Variants in DCLK1 observed in about 807,000 individuals in gnomAD.
DCLK1 encodes doublecortin like kinase 1.
Under a neutral mutation model 86.2 loss-of-function variants are expected in DCLK1, and 16 were observed. The observed-to-expected ratio is 0.19, with a 90% CI of 0.13 to 0.28. The LOEUF (loss-of-function observed/expected upper bound fraction) is 0.28, where lower values mean the gene tolerates loss of function less well. Among genes scored for constraint, DCLK1 ranks in the 10% least tolerant of loss-of-function variants. DCLK1 has a pLI of 1.00. For synonymous variants in DCLK1, 369 were observed against 370.5 expected (o/e 1.00, Z 0.05); for missense variants, 590 against 940.2 (o/e 0.63, Z 4.87).
At chr13:35,979,244 T>A (rs189823453) in intron 3 of DCLK1, among the ~76,000 whole-genome samples, 1 of 152,202 alleles carries the variant, frequency 6.6e-6, no homozygotes, top group East Asian at 1.9e-4. Context: ...CAAGCGACTT[T>A]CCAATGACTA....
chr13:35,848,369 G>C, intron 6 of DCLK1: 1 of 984,904 alleles, frequency 1.0e-6, no homozygotes, highest in East Asian at 1.1e-4. Context: ...CATAAAAAGA[G>C]ATCTCAAAGA....
rs141246848 is a variant in DCLK1 at position 35,964,704 on chromosome 13, G to A, written c.724-17247C>T. Among the ~76,000 whole-genome samples the A allele has an allele frequency of 1.2e-4, 18 of 151,094 alleles. No individual in the cohort carries two copies. The East Asian group carries it at 2.0e-3, about 16-fold the overall frequency. ...GGAAGCTATGACTTCCACGGGTTCC[G>A]TAAATTGAAATCTATGGGCCAAATC... On this transcript the variant is annotated intron_variant, in intron 3 of 16. Coordinates refer to ENST00000360631, the MANE Select transcript of DCLK1 (RefSeq NM_001330071.2).
chr13:36,056,135 T>G (rs28689514), intron 3 of DCLK1, among the ~76,000 whole-genome samples: 35,855 of 132,886 alleles, frequency 0.27, 5,280 homozygotes, highest in East Asian at 0.51. Context: ...CAAATGACTA[T>G]AAATCATGCT....
At chr13:35,860,623 G>A (rs1485368468) in intron 5 of DCLK1, among the ~76,000 whole-genome samples, 2 of 152,142 alleles carry the variant, frequency 1.3e-5, no homozygotes, top group Admixed American at 6.5e-5. Flanking sequence ...CAAACCTCAG[G>A]AAATTTAGGC....
chr13:36,104,186 C>G (rs2138170552), intron 3 of DCLK1, among the ~76,000 whole-genome samples: 1 of 152,254 alleles, frequency 6.6e-6, no homozygotes, highest in Admixed American at 6.5e-5. Context: ...CCAGGGTGAC[C>G]AAGGCAGCTC....
intron 11 of DCLK1, among the ~76,000 whole-genome samples, chr13:35,817,843 T>G (rs868417414): frequency 3.3e-5 from 5 of 152,220 alleles, no homozygotes; most frequent in Non-Finnish European, 4.4e-5. Context: ...GGTCAACTAA[T>G]AGCCTTTTGA....
chr13:36,112,140 G>A lies in DCLK1; in HGVS notation c.452C>T (p.Ser151Leu), dbSNP rs749232440. ...AGCCGAGGTGGTCTTGACGTTCACC[G>A]ACCAGTTGGGGTTCACATTCTTGGT... ...EYTKNVNPNW[S>L]VNVKTTSASR... The change falls in exon 3 of 17, where the codon TCG becomes TTG. Residue 151 changes from serine (S) to leucine (L), a missense_variant. Transcript: ENST00000360631. The A allele has an allele frequency of 6.2e-7, 1 of 1,613,014 alleles. No homozygotes were observed. Among genetic ancestry groups the A allele is most frequent in the African/African-American group, 1.3e-5 (1 of 75,030 alleles).
chr13:35,951,270 C>CATGG lies in DCLK1; in HGVS notation c.724-3817_724-3814dup, dbSNP rs113236728. Among the ~76,000 whole-genome samples, 951 of 145,392 alleles carry CATGG rather than the reference C, an allele frequency of 6.5e-3. 12 individuals are homozygous for CATGG. The highest frequency in any genetic ancestry group is 0.032 in the South Asian group (141 of 4,346). On this transcript the variant is annotated intron_variant, in intron 3 of 16. Coordinates refer to ENST00000360631, the MANE Select transcript of DCLK1 (RefSeq NM_001330071.2). ...CGATGGATGGATTAATGGATGGATG[C>CATGG]ATGGATGGATGGATGGATGGATGGA...
intron 16 of DCLK1, chr13:35,788,060 C>G (rs2086652218): frequency 2.7e-6 from 2 of 740,478 alleles, no homozygotes; most frequent in Non-Finnish European, 4.8e-6. Flanking sequence ...GGGGGTGTGG[C>G]ATCTCAATCA....
chr13:35,966,851 C>T lies in DCLK1; in HGVS notation c.724-19394G>A, dbSNP rs1335816768. 2.6e-5 allele frequency among the ~76,000 whole-genome samples: 4 copies of T among 151,968 alleles called. No homozygotes were observed. The East Asian group carries it at 7.9e-4, about 30-fold the overall frequency. ...AGTGCAGTGGCGTGATCTCCGCTCG[C>T]TACCACCTCCACCTCCCAGCCGCCT... On this transcript the variant is annotated intron_variant, in intron 3 of 16. Coordinates refer to ENST00000360631, the MANE Select transcript of DCLK1 (RefSeq NM_001330071.2).
chr13:35,936,996 G>A (rs139498846), intron 4 of DCLK1, among the ~76,000 whole-genome samples: 1,969 of 88,222 alleles, frequency 0.022, 57 homozygotes, highest in African/African-American at 0.072. Context: ...TTGAGACGGA[G>A]TCTCTCTCTG....
chr13:35,967,156 A>C (rs562745477), intron 3 of DCLK1, among the ~76,000 whole-genome samples: 1 of 146,638 alleles, frequency 6.8e-6, no homozygotes, highest in Non-Finnish European at 1.5e-5. Context: ...CCCGGCCGCC[A>C]CCCCGACTGG....
intron 11 of DCLK1, among the ~76,000 whole-genome samples, chr13:35,817,298 C>T (rs1359605337): frequency 6.6e-6 from 1 of 152,094 alleles, no homozygotes; most frequent in African/African-American, 2.4e-5. Flanking sequence ...TGGCCAATTA[C>T]GGTACTAAAT....
chr13:36,002,475 A>T (rs922082481), intron 3 of DCLK1, among the ~76,000 whole-genome samples: 1 of 152,236 alleles, frequency 6.6e-6, no homozygotes, highest in Non-Finnish European at 1.5e-5. Flanking sequence ...GAGGAATGGC[A>T]ATCTTTTTTA....
intron 11 of DCLK1, 137 bp downstream of exon 11, chr13:35,822,592 A>G: frequency 8.0e-7 from 1 of 1,257,716 alleles, no homozygotes; most frequent in East Asian, 2.5e-5. Flanking sequence ...CTAGTTTCCA[A>G]CTAGCTCCTG....
intron 6 of DCLK1, among the ~76,000 whole-genome samples, chr13:35,844,315 A>G (rs1445228794): frequency 6.6e-6 from 1 of 152,242 alleles, no homozygotes; most frequent in East Asian, 1.9e-4. Context: ...ACGCGAATGG[A>G]AACAGTGGTG....
intron 4 of DCLK1, among the ~76,000 whole-genome samples, chr13:35,894,791 G>T (rs1366800739): frequency 6.6e-6 from 1 of 152,204 alleles, no homozygotes; most frequent in Non-Finnish European, 1.5e-5. Context: ...AGATGAACAA[G>T]AGCTCAGATT....
At chr13:36,057,781 G>C (rs1883392473) in intron 3 of DCLK1, among the ~76,000 whole-genome samples, 1 of 151,936 alleles carries the variant, frequency 6.6e-6, no homozygotes, top group Non-Finnish European at 1.5e-5. Flanking sequence ...GGATTTCAAA[G>C]CTCTGTATTC....
chr13:35,956,580 C>T (rs377261775), intron 3 of DCLK1, among the ~76,000 whole-genome samples: 2 of 152,200 alleles, frequency 1.3e-5, no homozygotes, highest in African/African-American at 2.4e-5. Flanking sequence ...TTGGACATAA[C>T]GCTATCTTCA....
Sources: gnomAD v4.1 joint callset for allele counts (sites outside exome capture counted in the v4.1 genomes callset) on GRCh38, gnomAD v4.1.1 for gene constraint, MANE v1.5 for transcripts, NCBI Gene and HGNC (gene_info 2026-07-23, HGNC 2026-07-21) for gene names.